The following PRKG1 variants were observed in gnomAD, a reference collection of about 807,000 sequenced individuals.
PRKG1 encodes protein kinase cGMP-dependent 1, also known as cGMP-dependent protein kinase 1.
A neutral mutation model predicts 88.1 loss-of-function variants in PRKG1; 35 were observed. The observed-to-expected ratio is 0.40, with a 90% CI of 0.30 to 0.53. The LOEUF (loss-of-function observed/expected upper bound fraction) is 0.53. PRKG1 is among the 20% of genes least tolerant of loss of function. The pLI, the probability that PRKG1 is intolerant of heterozygous loss-of-function variation, is 0.59. For missense variants in PRKG1, 540 were observed against 839.8 expected (o/e 0.64, Z 4.41); for synonymous variants, 303 against 292.5 (o/e 1.04, Z -0.37).
At chr10:51,528,707 A>C (rs180976789) in intron 3 of PRKG1, among the ~76,000 whole-genome samples, 1 of 152,220 alleles carries the variant, frequency 6.6e-6, no homozygotes, top group East Asian at 1.9e-4. Context: ...ACTCTTGCAG[A>C]GGGCTAATTA....
chr10:51,598,118 T>C (rs1254549322), intron 3 of PRKG1, among the ~76,000 whole-genome samples: 4 of 152,198 alleles, frequency 2.6e-5, no homozygotes, highest in Non-Finnish European at 5.9e-5. Context: ...TGGGGTCAGA[T>C]AGCATGGTAG....
In PRKG1 at chr10:52,251,445, A is replaced by G. The variant is rs531469614; in HGVS notation, c.1077-125A>G. 65 of 727,286 alleles carry G rather than the reference A, an allele frequency of 8.9e-5. No homozygotes were observed. The African/African-American group carries it at 1.1e-3, about 12-fold the overall frequency. The allele number at this position is 727,286 out of a possible 1,614,324, so 45.1% of individuals were successfully genotyped here. On this transcript the variant is annotated intron_variant, in intron 9 of 17. Coordinates refer to ENST00000373980, the MANE Select transcript of PRKG1 (RefSeq NM_006258.4). ...ATGAGTGTGAGAAAACACAAACTCT[A>G]AAAGCAAGATGGAATGTAAGCAGGT...
At chr10:51,623,259 G>T (rs943725274) in intron 3 of PRKG1, among the ~76,000 whole-genome samples, 3 of 152,194 alleles carry the variant, frequency 2.0e-5, no homozygotes, top group Non-Finnish European at 4.4e-5. Flanking sequence ...GGAGTGCAGT[G>T]GTGTGATCAT....
intron 5 of PRKG1, among the ~76,000 whole-genome samples, chr10:51,967,450 A>G (rs931741783): frequency 1.5e-4 from 23 of 152,112 alleles, no homozygotes; most frequent in Non-Finnish European, 4.4e-5. Flanking sequence ...TAGGAGATAT[A>G]CCTAATGTAT....
intron 9 of PRKG1, among the ~76,000 whole-genome samples, chr10:52,170,532 A>G (rs758385204): frequency 7.9e-5 from 12 of 152,158 alleles, no homozygotes; most frequent in Non-Finnish European, 1.3e-4. Context: ...CCACTAAAAA[A>G]AGAAGTACCA....
chr10:51,071,952 A>AT (rs1428889285), upstream of PRKG1, among the ~76,000 whole-genome samples: 6 of 152,224 alleles, frequency 3.9e-5, no homozygotes, highest in African/African-American at 1.4e-4. Context: ...TAATCCCAGC[A>AT]TTTTTGGAGG....
chr10:52,028,247 T>C (rs1845392826), intron 5 of PRKG1, among the ~76,000 whole-genome samples: 2 of 152,180 alleles, frequency 1.3e-5, no homozygotes, highest in Admixed American at 1.3e-4. Context: ...CTATATGCTT[T>C]TTAGTTTTCT....
intron 5 of PRKG1, among the ~76,000 whole-genome samples, chr10:51,973,524 A>T (rs925939140): frequency 6.6e-6 from 1 of 152,112 alleles, no homozygotes; most frequent in Non-Finnish European, 1.5e-5. Context: ...TCATCCTGTG[A>T]TCATTCTGCT....
chr10:51,038,842 C>A (rs1026716287), intron 1 of PRKG1, among the ~76,000 whole-genome samples: 1 of 152,210 alleles, frequency 6.6e-6, no homozygotes, highest in Non-Finnish European at 1.5e-5. Flanking sequence ...GATTATTACA[C>A]ATTACATGCT....
chr10:51,332,127 A>G (rs1228666297), intron 2 of PRKG1, among the ~76,000 whole-genome samples: 5 of 152,226 alleles, frequency 3.3e-5, no homozygotes, highest in Non-Finnish European at 5.9e-5. Context: ...AATATGGAGA[A>G]ATGTCTGGTA....
chr10:51,933,872 A>G (rs776705807), intron 5 of PRKG1, among the ~76,000 whole-genome samples: 2 of 152,144 alleles, frequency 1.3e-5, no homozygotes, highest in Admixed American at 6.6e-5. Flanking sequence ...CACAATCTCT[A>G]TACAAGCACT....
chr10:51,912,140 G>A (rs1842232061), intron 5 of PRKG1, among the ~76,000 whole-genome samples: 1 of 152,240 alleles, frequency 6.6e-6, no homozygotes, highest in Admixed American at 6.5e-5. Context: ...GGAGCCATGT[G>A]CATCTGGTGG....
At chr10:51,949,075 G>C (rs1843124324) in intron 5 of PRKG1, among the ~76,000 whole-genome samples, 1 of 152,048 alleles carries the variant, frequency 6.6e-6, no homozygotes, top group Admixed American at 6.6e-5. Context: ...GTTCAGCACT[G>C]GACTAAAGAT....
intron 2 of PRKG1, among the ~76,000 whole-genome samples, chr10:51,236,690 A>T (rs918467579): frequency 6.6e-6 from 1 of 151,612 alleles, no homozygotes; most frequent in African/African-American, 2.4e-5. Context: ...TTTAGTAGAG[A>T]CTACGGGGTT....
chr10:52,268,550 A>T (rs1184726546), intron 10 of PRKG1, among the ~76,000 whole-genome samples: 1 of 152,042 alleles, frequency 6.6e-6, no homozygotes, highest in Non-Finnish European at 1.5e-5. Context: ...GGTAATAGAA[A>T]TATTGTTCAG....
chr10:51,461,526 A>G (rs1393698214), intron 2 of PRKG1, among the ~76,000 whole-genome samples: 1 of 152,186 alleles, frequency 6.6e-6, no homozygotes, highest in Non-Finnish European at 1.5e-5. Flanking sequence ...CACAGGCTTT[A>G]TTCAATGTCC....
chr10:51,183,917 A>G (rs1013717373), intron 2 of PRKG1, among the ~76,000 whole-genome samples: 1 of 152,186 alleles, frequency 6.6e-6, no homozygotes, highest in African/African-American at 2.4e-5. Context: ...GACATAGCCA[A>G]TCAGCCAATC....
rs1200640390 is a variant in PRKG1 at position 52,126,777 on chromosome 10, G to T, written c.936-7063G>T. On this transcript the variant is annotated intron_variant, in intron 7 of 17. Transcript: ENST00000373980. ...AGTCAGCTGCATGTGCACAGGCATG[G>T]ACAGAATTTACAGTGGTCATATTTT... Among the ~76,000 whole-genome samples the T allele has an allele frequency of 4.6e-5, 7 of 152,186 alleles. 1 individual carries two copies. The highest frequency in any genetic ancestry group is 8.8e-5 in the Non-Finnish European group (6 of 68,042).
chr10:52,024,256 C>A (rs1280356078), intron 5 of PRKG1, among the ~76,000 whole-genome samples: 1 of 151,900 alleles, frequency 6.6e-6, no homozygotes, highest in African/African-American at 2.4e-5. Context: ...CATTAACTTT[C>A]TTCACAGAAT....
Sources: allele counts gnomAD v4.1 joint callset (sites outside exome capture counted in the v4.1 genomes callset), GRCh38; gene constraint gnomAD v4.1.1; transcripts MANE v1.5; gene names NCBI Gene and HGNC (gene_info 2026-07-23, HGNC 2026-07-21).